MIPOL1: variants seen among roughly 807,000 people sequenced by gnomAD.
The protein encoded by MIPOL1 is mirror-image polydactyly gene 1 protein.
MIPOL1 carries 57 observed loss-of-function variants against 60.9 expected under a neutral mutation model. The ratio of observed to expected loss-of-function variants is 0.94; its 90% CI spans 0.76 to 1.17. The LOEUF (loss-of-function observed/expected upper bound fraction) is 1.17. Among genes scored for constraint, MIPOL1 ranks in the 50% most tolerant of loss-of-function variants. The pLI is 0.00. For synonymous variants in MIPOL1, 179 were observed against 168.8 expected (o/e 1.06, Z -0.47); for missense variants, 551 against 511.6 (o/e 1.08, Z -0.74).
intron 11 of MIPOL1, among the ~76,000 whole-genome samples, chr14:37,478,959 A>T (rs1306917838): frequency 6.6e-6 from 1 of 152,166 alleles, no homozygotes; most frequent in Non-Finnish European, 1.5e-5. Flanking sequence ...AGAGGTTATA[A>T]CAATTACAAA....
At chr14:37,270,647 T>TG (rs2083234609) in intron 6 of MIPOL1, 122 bp downstream of exon 6, 2 of 435,050 alleles carry the variant, frequency 4.6e-6, no homozygotes, top group Non-Finnish European at 8.0e-6. Flanking sequence ...TCTCCTTTTT[T>TG]TTTTTTTTTT....
chr14:37,263,420 T>C (rs867739976), intron 3 of MIPOL1, among the ~76,000 whole-genome samples: 1 of 152,202 alleles, frequency 6.6e-6, no homozygotes, highest in Non-Finnish European at 1.5e-5. Flanking sequence ...TTTAGGGTAA[T>C]ACCTAGTAGT....
chr14:37,423,743 T>G (rs1175620378), intron 11 of MIPOL1: 1 of 152,106 alleles, frequency 6.6e-6, no homozygotes, highest in Admixed American at 6.6e-5. Flanking sequence ...AATTTGGACC[T>G]TTTCTCAGAA....
At chr14:37,338,135 C>T (rs1186032609) in intron 9 of MIPOL1, among the ~76,000 whole-genome samples, 1 of 128,814 alleles carries the variant, frequency 7.8e-6, no homozygotes, top group Non-Finnish European at 1.6e-5. Flanking sequence ...GAGACGGAGT[C>T]TCGCTCTGTC....
At chr14:37,501,277 G>C (rs2095211845) in intron 12 of MIPOL1, among the ~76,000 whole-genome samples, 1 of 152,166 alleles carries the variant, frequency 6.6e-6, no homozygotes, top group Non-Finnish European at 1.5e-5. Flanking sequence ...AATATTCTAA[G>C]AACACTATGA....
intron 12 of MIPOL1, among the ~76,000 whole-genome samples, chr14:37,524,253 G>A (rs912233896): frequency 2.6e-5 from 4 of 152,166 alleles, no homozygotes; most frequent in African/African-American, 9.7e-5. Flanking sequence ...TCACTAGGAA[G>A]TAATAGAACT....
intron 11 of MIPOL1, among the ~76,000 whole-genome samples, chr14:37,455,018 C>A (rs1053914724): frequency 2.6e-5 from 4 of 152,104 alleles, no homozygotes; most frequent in Non-Finnish European, 5.9e-5. Context: ...TAACCCCAAC[C>A]TGTATGCTGA....
chr14:37,484,952 G>T (rs148989239), intron 11 of MIPOL1, among the ~76,000 whole-genome samples: 2 of 151,940 alleles, frequency 1.3e-5, no homozygotes, highest in Admixed American at 1.3e-4. Flanking sequence ...CCATCAACCC[G>T]TTACCTACAT....
intron 9 of MIPOL1, among the ~76,000 whole-genome samples, chr14:37,312,716 T>C (rs1253897097): frequency 6.6e-6 from 1 of 152,110 alleles, no homozygotes; most frequent in Admixed American, 6.6e-5. Flanking sequence ...TTAAAGTCTT[T>C]CATATAATTA....
At chr14:37,395,585 A>G (rs1381107017) in intron 10 of MIPOL1, among the ~76,000 whole-genome samples, 1 of 152,124 alleles carries the variant, frequency 6.6e-6, no homozygotes, top group Non-Finnish European at 1.5e-5. Context: ...TAGAAGAGCT[A>G]CTGATTTGTG....
At chr14:37,475,743 G>T (rs2094762800) in intron 11 of MIPOL1, among the ~76,000 whole-genome samples, 1 of 152,090 alleles carries the variant, frequency 6.6e-6, no homozygotes, top group Non-Finnish European at 1.5e-5. Flanking sequence ...CAGTATTTGT[G>T]TGGATCTGTT....
chr14:37,217,486 A>G (rs1379491180), intron 1 of MIPOL1, among the ~76,000 whole-genome samples: 1 of 152,232 alleles, frequency 6.6e-6, no homozygotes, highest in Non-Finnish European at 1.5e-5. Flanking sequence ...TATTGATGCA[A>G]ACATTCTCAA....
At chr14:37,305,747 A>T (rs1371788455) in intron 7 of MIPOL1, among the ~76,000 whole-genome samples, 1 of 151,824 alleles carries the variant, frequency 6.6e-6, no homozygotes, top group Admixed American at 6.6e-5. Flanking sequence ...CAAATCTTGA[A>T]GTAATCATTT....
At chr14:37,242,179 C>T (rs1282008226) in intron 1 of MIPOL1, among the ~76,000 whole-genome samples, 1 of 149,550 alleles carries the variant, frequency 6.7e-6, no homozygotes, top group Non-Finnish European at 1.5e-5. Flanking sequence ...ATACATGCAC[C>T]CAATTAAAAA....
At chr14:37,350,511 G>A (rs1424248855) in intron 9 of MIPOL1, among the ~76,000 whole-genome samples, 1 of 151,656 alleles carries the variant, frequency 6.6e-6, no homozygotes, top group Admixed American at 6.6e-5. Flanking sequence ...TACATGAAGT[G>A]TTTTGATATA....
At chr14:37,413,447 A>G (rs1049439435) in intron 10 of MIPOL1, among the ~76,000 whole-genome samples, 5 of 152,092 alleles carry the variant, frequency 3.3e-5, no homozygotes, top group Non-Finnish European at 7.4e-5. Context: ...AATCTTTCCT[A>G]CACTCCCATC....
At chr14:37,356,979 C>T (rs986486381) in intron 9 of MIPOL1, among the ~76,000 whole-genome samples, 13 of 152,180 alleles carry the variant, frequency 8.5e-5, no homozygotes, top group African/African-American at 2.9e-4. Flanking sequence ...ACTGTGTATA[C>T]ATGTGCCACA....
intron 1 of MIPOL1, among the ~76,000 whole-genome samples, chr14:37,213,008 A>G (rs1009216652): frequency 1.3e-5 from 2 of 152,186 alleles, no homozygotes; most frequent in African/African-American, 2.4e-5. Context: ...GAACCACAGC[A>G]TTACTAGTCT....
At chr14:37,289,740 T>C (rs1378746771) in intron 7 of MIPOL1, among the ~76,000 whole-genome samples, 1 of 152,140 alleles carries the variant, frequency 6.6e-6, no homozygotes, top group Non-Finnish European at 1.5e-5. Flanking sequence ...GATTAAACCA[T>C]TGGCCATTGG....
Sources: gnomAD v4.1 joint callset for allele counts (sites outside exome capture counted in the v4.1 genomes callset) on GRCh38, gnomAD v4.1.1 for gene constraint, MANE v1.5 for transcripts, NCBI Gene and HGNC (gene_info 2026-07-23, HGNC 2026-07-21) for gene names.